FHIP1A: variants seen among roughly 807,000 people sequenced by gnomAD.
FHIP1A encodes FHF complex subunit HOOK interacting protein 1A, also known as FHF complex subunit HOOK-interacting protein 1A.
A neutral mutation model predicts 88.6 loss-of-function variants in FHIP1A; 61 were observed. The ratio of observed to expected loss-of-function variants is 0.69; its 90% CI spans 0.56 to 0.85. The LOEUF (loss-of-function observed/expected upper bound fraction) is 0.85. FHIP1A is among the 40% of genes least tolerant of loss of function. The pLI is 0.00. For missense variants in FHIP1A, 1,154 were observed against 1,273.5 expected (o/e 0.91, Z 1.43); for synonymous variants, 478 against 496.0 (o/e 0.96, Z 0.48).
intron 3 of FHIP1A, among the ~76,000 whole-genome samples, chr4:151,521,175 G>A (rs1259526940): frequency 1.3e-5 from 2 of 152,140 alleles, no homozygotes; most frequent in African/African-American, 4.8e-5. Flanking sequence ...TGAAGTGTTT[G>A]TAAATGCTTA....
chr4:151,504,088 G>T (rs868172727), intron 3 of FHIP1A, among the ~76,000 whole-genome samples: 3 of 152,144 alleles, frequency 2.0e-5, no homozygotes, highest in African/African-American at 7.2e-5. Context: ...ACAGTAACTC[G>T]AGATCAACTA....
chr4:151,521,579 T>C (rs550454379), intron 3 of FHIP1A, among the ~76,000 whole-genome samples: 2 of 152,300 alleles, frequency 1.3e-5, no homozygotes, highest in South Asian at 2.1e-4. Context: ...TAGAACAGTA[T>C]CATAGGAACC....
intron 1 of FHIP1A, among the ~76,000 whole-genome samples, chr4:151,452,951 T>TATATATATATATATATATATATATATAC (rs1266623899): frequency 8.4e-6 from 1 of 119,314 alleles, no homozygotes. Flanking sequence ...TATATATATA[T>TATATATATATATATATATATATATATAC]ACATACACAC....
rs557768460 is a variant in FHIP1A at position 151,459,378 on chromosome 4, G to A, written c.-248+4570G>A. ...AATTTAGTTTCAAGAAACCTAATAC[G>A]TCTCAAAGTGAGTACGGGTGGGACC... On this transcript the variant is annotated intron_variant, in intron 2 of 13. Transcript: ENST00000435205. Among the ~76,000 whole-genome samples, 9 of 152,216 alleles carry A rather than the reference G, an allele frequency of 5.9e-5. No homozygotes were observed. In the East Asian group the frequency reaches 9.7e-4, roughly 16 times the overall value.
chr4:151,447,599 T>C (rs1728652574), intron 1 of FHIP1A, among the ~76,000 whole-genome samples: 1 of 152,184 alleles, frequency 6.6e-6, no homozygotes, highest in Non-Finnish European at 1.5e-5. Flanking sequence ...AATATACATT[T>C]TATGGGCTGA....
intron 1 of FHIP1A, among the ~76,000 whole-genome samples, chr4:151,421,449 G>T (rs1370334658): frequency 6.6e-6 from 1 of 152,004 alleles, no homozygotes; most frequent in East Asian, 1.9e-4. Context: ...ACATATTTTA[G>T]TTTACTTATG....
At chr4:151,599,495 A>G (rs1734779272) in intron 7 of FHIP1A, among the ~76,000 whole-genome samples, 1 of 152,202 alleles carries the variant, frequency 6.6e-6, no homozygotes. Context: ...AGACTGCAAC[A>G]CCAATCTGAC....
At chr4:151,594,566 G>C (rs769124016) in intron 7 of FHIP1A, among the ~76,000 whole-genome samples, 1 of 149,962 alleles carries the variant, frequency 6.7e-6, no homozygotes, top group Non-Finnish European at 1.5e-5. Context: ...GGGATGAGTG[G>C]TGATATCCCC....
In FHIP1A at chr4:151,656,351, C is replaced by T. The variant is rs967639924; in HGVS notation, c.2671C>T (p.Arg891Cys). The change falls in exon 12 of 14, where the codon CGC becomes TGC. Residue 891 changes from arginine (R) to cysteine (C), a missense_variant. Coordinates refer to ENST00000435205, the MANE Select transcript of FHIP1A (RefSeq NM_001109977.3). The surrounding 1 kb of genome is among the most constrained non-coding windows in gnomAD (Gnocchi z 4.2). ...AGCCAGCTACCCCCAGCCACTCCTG[C>T]GCTCCTTTCTGCTCAACACCAACAT... ...QLASYPQPLL[R>C]SFLLNTNMVF... The T allele has an allele frequency of 2.3e-5, 36 of 1,551,564 alleles. No individual in the cohort carries two copies. The East Asian group carries it at 2.4e-4, about 11-fold the overall frequency.
intron 5 of FHIP1A, 72 bp downstream of exon 5, chr4:151,578,148 T>A: frequency 7.5e-7 from 1 of 1,339,622 alleles, no homozygotes; most frequent in Non-Finnish European, 1.0e-6. Flanking sequence ...ATGAATACTT[T>A]CTTACTCCCT....
intron 13 of FHIP1A, among the ~76,000 whole-genome samples, chr4:151,657,620 A>T (rs750653182): frequency 5.8e-4 from 88 of 152,182 alleles, no homozygotes; most frequent in Non-Finnish European, 1.0e-3. Flanking sequence ...GCTGTGACTT[A>T]GGCCTTGGTA....
intron 7 of FHIP1A, among the ~76,000 whole-genome samples, chr4:151,618,594 C>T (rs565263999): frequency 1.2e-4 from 18 of 152,274 alleles, no homozygotes; most frequent in Admixed American, 2.6e-4. Flanking sequence ...TTTATGTGCT[C>T]GCCAAAATCT....
chr4:151,578,699 A>G (rs1733907133), intron 5 of FHIP1A, among the ~76,000 whole-genome samples: 1 of 152,172 alleles, frequency 6.6e-6, no homozygotes, highest in East Asian at 1.9e-4. Context: ...GTTTCTTACT[A>G]AACTAAACAT....
At chr4:151,476,014 A>G (rs1419966519) in intron 2 of FHIP1A, among the ~76,000 whole-genome samples, 4 of 151,960 alleles carry the variant, frequency 2.6e-5, no homozygotes, top group African/African-American at 9.7e-5. Context: ...GGTGCCCACC[A>G]TCGCACCTGG....
intron 7 of FHIP1A, among the ~76,000 whole-genome samples, chr4:151,626,202 A>G (rs1031483254): frequency 8.5e-5 from 13 of 152,202 alleles, no homozygotes; most frequent in African/African-American, 1.7e-4. Context: ...AATATTTTCT[A>G]TTGGAATCTG....
At chr4:151,548,950 G>A (rs1732614753) in intron 3 of FHIP1A, among the ~76,000 whole-genome samples, 1 of 152,222 alleles carries the variant, frequency 6.6e-6, no homozygotes, top group South Asian at 2.1e-4. Context: ...AATGGTGAGA[G>A]CACACCTGGA....
intron 3 of FHIP1A, among the ~76,000 whole-genome samples, chr4:151,528,109 T>G (rs1731746994): frequency 6.6e-6 from 1 of 152,210 alleles, no homozygotes; most frequent in African/African-American, 2.4e-5. Flanking sequence ...AGTGAATACT[T>G]TGTCAATACA....
chr4:151,576,486 T>C (rs1217198091), intron 4 of FHIP1A, among the ~76,000 whole-genome samples: 2 of 152,132 alleles, frequency 1.3e-5, no homozygotes, highest in African/African-American at 4.8e-5. Flanking sequence ...AGTTATTTTG[T>C]AGAGATAGGG....
intron 3 of FHIP1A, 116 bp from the exon 4 acceptor site, chr4:151,566,022 A>G (rs1733372690): frequency 3.1e-6 from 1 of 321,024 alleles, no homozygotes; most frequent in East Asian, 6.9e-5. Context: ...TGTTTTGTAG[A>G]TTTTTTTCTG....
Sources: allele counts gnomAD v4.1 joint callset (sites outside exome capture counted in the v4.1 genomes callset), GRCh38; gene constraint gnomAD v4.1.1; non-coding constraint Gnocchi (gnomAD v3.1); transcripts MANE v1.5; gene names NCBI Gene and HGNC (gene_info 2026-07-23, HGNC 2026-07-21).